The following ITGA8 variants were observed in gnomAD, a reference collection of about 807,000 sequenced individuals.
The protein encoded by ITGA8 is integrin alpha-8.
Under a neutral mutation model 142.3 loss-of-function variants are expected in ITGA8, and 91 were observed. The ratio of observed to expected loss-of-function variants is 0.64; its 90% confidence interval spans 0.54 to 0.76. ITGA8 has a LOEUF of 0.76. Among genes scored for constraint, ITGA8 ranks in the 30% least tolerant of loss-of-function variants. The probability of loss-of-function intolerance (pLI) is 0.00; values close to 1 mark genes in which losing one functional copy is unlikely to be tolerated. For missense variants in ITGA8, 1,406 were observed against 1,327.7 expected (o/e 1.06, Z -0.92); for synonymous variants, 505 against 485.2 (o/e 1.04, Z -0.54).
intron 26 of ITGA8, 50 bp downstream of exon 26, chr10:15,558,024 T>C (rs1246731972): frequency 1.2e-6 from 2 of 1,607,378 alleles, no homozygotes; most frequent in Non-Finnish European, 1.7e-6. Flanking sequence ...TTGAGGGTTC[T>C]ATCCAAGCCA....
intron 2 of ITGA8, among the ~76,000 whole-genome samples, chr10:15,690,516 G>C (rs1255336376): frequency 1.3e-5 from 2 of 152,088 alleles, no homozygotes; most frequent in Non-Finnish European, 2.9e-5. Flanking sequence ...GAGTGAACCT[G>C]TGCCCTCGTC....
chr10:15,698,897 CAG>C (rs1835106237), intron 2 of ITGA8, among the ~76,000 whole-genome samples: 3 of 152,282 alleles, frequency 2.0e-5, no homozygotes, highest in African/African-American at 7.2e-5. Flanking sequence ...TTTTGCTGTG[CAG>C]AGTCTTTTCA....
chr10:15,529,659 G>A (rs1182658189), intron 28 of ITGA8, among the ~76,000 whole-genome samples: 2 of 152,194 alleles, frequency 1.3e-5, no homozygotes, highest in African/African-American at 4.8e-5. Flanking sequence ...TGATGATTCT[G>A]ATGCATACTC....
At chr10:15,680,123 G>A (rs1185387682) in intron 4 of ITGA8, among the ~76,000 whole-genome samples, 3 of 151,766 alleles carry the variant, frequency 2.0e-5, no homozygotes, top group Admixed American at 6.6e-5. Flanking sequence ...TGGCCTTTCC[G>A]GCTTCCCTTA....
chr10:15,692,431 C>G (rs1281122777), intron 2 of ITGA8, among the ~76,000 whole-genome samples: 1 of 150,736 alleles, frequency 6.6e-6, no homozygotes, highest in African/African-American at 2.4e-5. Flanking sequence ...GTTTTGCAAA[C>G]TTAGTGTAGA....
chr10:15,569,063 A>T (rs1252761464), intron 25 of ITGA8, among the ~76,000 whole-genome samples: 1 of 152,202 alleles, frequency 6.6e-6, no homozygotes, highest in Non-Finnish European at 1.5e-5. Context: ...AGGGAGAGGT[A>T]ACGAAGAAGA....
intron 13 of ITGA8, among the ~76,000 whole-genome samples, chr10:15,627,702 G>A (rs1222225849): frequency 6.6e-6 from 1 of 152,180 alleles, no homozygotes; most frequent in African/African-American, 2.4e-5. Flanking sequence ...TGGGTCTGGG[G>A]TGCAGAACCT....
At chr10:15,544,137 A>G (rs1327951176) in intron 27 of ITGA8, among the ~76,000 whole-genome samples, 1 of 151,786 alleles carries the variant, frequency 6.6e-6, no homozygotes, top group Non-Finnish European at 1.5e-5. Flanking sequence ...TCTATAAAAA[A>G]TAATTAAAAA....
chr10:15,543,432 G>A (rs1392132922), intron 27 of ITGA8, among the ~76,000 whole-genome samples: 1 of 152,166 alleles, frequency 6.6e-6, no homozygotes, highest in East Asian at 1.9e-4. Context: ...AACTGCAAGA[G>A]CATCTGCACT....
intron 28 of ITGA8, among the ~76,000 whole-genome samples, chr10:15,521,383 G>GT (rs1173662941): frequency 6.6e-6 from 1 of 152,104 alleles, no homozygotes; most frequent in Admixed American, 6.6e-5. Context: ...GCTTGTCTTG[G>GT]TTTTTTATTG....
intron 7 of ITGA8, among the ~76,000 whole-genome samples, chr10:15,672,271 C>A (rs769554990): frequency 2.6e-5 from 4 of 152,096 alleles, no homozygotes; most frequent in Non-Finnish European, 4.4e-5. Context: ...GAGAATATTC[C>A]AGCAACTCAA....
intron 27 of ITGA8, among the ~76,000 whole-genome samples, chr10:15,539,805 G>A (rs1833531910): frequency 6.6e-6 from 1 of 152,140 alleles, no homozygotes; most frequent in Non-Finnish European, 1.5e-5. Context: ...GAACATTACT[G>A]ATATGATTTG....
intron 2 of ITGA8, among the ~76,000 whole-genome samples, chr10:15,717,219 C>T (rs552316554): frequency 1.5e-4 from 23 of 152,248 alleles, no homozygotes; most frequent in Middle Eastern, 3.4e-3. Flanking sequence ...TTCTTTTCCA[C>T]GACCATAAAT....
rs1041135 is a variant in ITGA8, at chr10:15,531,051, A to G, written c.2981T>C (p.Val994Ala). Residue 994 changes from valine (V) to alanine (A), a missense_variant and splice_region_variant, in exon 28 of 30, where the codon GTA (valine) becomes GCA (alanine). Transcript: ENST00000378076. Reference protein sequence around the residue: ...QPAKLPEGSIVIKTSVIWATP... With the variant: ...QPAKLPEGSIAIKTSVIWATP... ...CTATATATATTTAAAGATACTCACTACTATGCTTCCTTCTGGGAGTTTTGC... is the reference window on the plus strand; with the variant it reads ...CTATATATATTTAAAGATACTCACTGCTATGCTTCCTTCTGGGAGTTTTGC... 0.99 allele frequency: 1,420,464 copies of G among 1,439,102 alleles called. 702,185 individuals carry two copies. Among genetic ancestry groups the G allele is most frequent in the Non-Finnish European group, 1 (1,041,236 of 1,041,718 alleles). The allele number at this position is 1,439,102 out of a possible 1,614,324, so 89.1% of individuals were successfully genotyped here. A position where few individuals can be genotyped will look rare whatever the true frequency, so the allele number is the denominator to read the frequency against.
intron 27 of ITGA8, among the ~76,000 whole-genome samples, chr10:15,532,433 A>AAAAAAAG (rs1257914794): frequency 4.0e-5 from 6 of 148,538 alleles, no homozygotes; most frequent in Non-Finnish European, 7.5e-5. Context: ...AAAAAAAAAA[A>AAAAAAAG]AAAAAAAAAA....
intron 10 of ITGA8, among the ~76,000 whole-genome samples, chr10:15,656,440 T>G (rs1834187064): frequency 6.6e-6 from 1 of 152,090 alleles, no homozygotes; most frequent in Admixed American, 6.5e-5. Context: ...CTTGGCTCAC[T>G]GCAACCTCCA....
At chr10:15,645,232 T>A (rs1833958599) in intron 12 of ITGA8, among the ~76,000 whole-genome samples, 1 of 150,922 alleles carries the variant, frequency 6.6e-6, no homozygotes, top group South Asian at 2.2e-4. Flanking sequence ...TTGACTCCCA[T>A]CCCCTTGTTT....
intron 2 of ITGA8, among the ~76,000 whole-genome samples, chr10:15,707,396 G>A (rs1835279572): frequency 6.6e-6 from 1 of 152,150 alleles, no homozygotes; most frequent in South Asian, 2.1e-4. Flanking sequence ...AAGGAATGTG[G>A]GTCACCTGTA....
At chr10:15,689,393 T>C (rs1834891598) in intron 2 of ITGA8, among the ~76,000 whole-genome samples, 1 of 152,068 alleles carries the variant, frequency 6.6e-6, no homozygotes, top group South Asian at 2.1e-4. Context: ...AGAGAAGTGA[T>C]CCACCCTCTC....
Sources: gnomAD v4.1 joint callset for allele counts (sites outside exome capture counted in the v4.1 genomes callset) on GRCh38, gnomAD v4.1.1 for gene constraint, MANE v1.5 for transcripts, NCBI Gene and HGNC (gene_info 2026-07-23, HGNC 2026-07-21) for gene names.